Variants in MCTP1 observed in about 807,000 individuals in gnomAD.
MCTP1 encodes the protein multiple C2 and transmembrane domain-containing protein 1.
MCTP1 carries 69 observed loss-of-function variants against 120.6 expected under a neutral mutation model. The observed-to-expected ratio is 0.57, with a 90% confidence interval of 0.47 to 0.70. The LOEUF (loss-of-function observed/expected upper bound fraction) is 0.70. MCTP1 is among the 30% of genes least tolerant of loss of function. MCTP1 has a pLI of 0.00. For synonymous variants in MCTP1, 529 were observed against 493.1 expected (o/e 1.07, Z -0.96); for missense variants, 1,203 against 1,248.8 (o/e 0.96, Z 0.55).
intron 1 of MCTP1, among the ~76,000 whole-genome samples, chr5:95,264,643 C>T (rs1263848204): frequency 6.6e-5 from 10 of 152,180 alleles, no homozygotes; most frequent in Non-Finnish European, 1.5e-4. Flanking sequence ...GGATTGAATG[C>T]CCCTCACTTC....
chr5:95,123,379 T>G (rs1225389172), intron 1 of MCTP1, among the ~76,000 whole-genome samples: 1 of 152,192 alleles, frequency 6.6e-6, no homozygotes, highest in Non-Finnish European at 1.5e-5. Flanking sequence ...GTAAACAAGA[T>G]TTATGAGCTT....
intron 1 of MCTP1, among the ~76,000 whole-genome samples, chr5:95,279,954 A>T (rs1760179407): frequency 6.6e-6 from 1 of 152,292 alleles, no homozygotes; most frequent in South Asian, 2.1e-4. Context: ...TGATTTTGAT[A>T]TTATTAGTTT....
intron 1 of MCTP1, among the ~76,000 whole-genome samples, chr5:95,247,125 G>A (rs1166714549): frequency 6.6e-6 from 1 of 152,074 alleles, no homozygotes; most frequent in Non-Finnish European, 1.5e-5. Context: ...TTGGGAGGGT[G>A]TTATGTGTCC....
chr5:95,133,010 A>G (rs901766688), intron 1 of MCTP1, among the ~76,000 whole-genome samples: 4 of 152,164 alleles, frequency 2.6e-5, no homozygotes, highest in Non-Finnish European at 5.9e-5. Context: ...GATTGTGACC[A>G]AGCTCTTTCA....
At chr5:95,109,685 T>A (rs187496767) in intron 1 of MCTP1, among the ~76,000 whole-genome samples, 1 of 152,304 alleles carries the variant, frequency 6.6e-6, no homozygotes, top group East Asian at 1.9e-4. Flanking sequence ...ATCTATTGAC[T>A]TTCATGAGGG....
At chr5:94,906,673 CA>C (rs2153429680) in intron 10 of MCTP1, among the ~76,000 whole-genome samples, 2 of 151,892 alleles carry the variant, frequency 1.3e-5, no homozygotes, top group South Asian at 4.2e-4. Flanking sequence ...TATATATGAC[CA>C]AAAATGGAAA....
At chr5:95,107,550 G>A (rs1193364181) in intron 1 of MCTP1, among the ~76,000 whole-genome samples, 1 of 152,182 alleles carries the variant, frequency 6.6e-6, no homozygotes, top group Non-Finnish European at 1.5e-5. Context: ...GGAATGCCAA[G>A]GTTAAGAGGT....
intron 1 of MCTP1, among the ~76,000 whole-genome samples, chr5:95,236,014 T>A (rs1755507325): frequency 6.6e-6 from 1 of 152,140 alleles, no homozygotes; most frequent in African/African-American, 2.4e-5. Context: ...TGCCCAAGGA[T>A]CTGTATGTTT....
At chr5:94,869,612 T>A (rs868280590) in intron 16 of MCTP1, among the ~76,000 whole-genome samples, 1 of 152,032 alleles carries the variant, frequency 6.6e-6, no homozygotes, top group South Asian at 2.1e-4. Flanking sequence ...TTATTAAGAG[T>A]AAAAATATAT....
At chr5:95,077,513 C>T (rs1165458041) in intron 1 of MCTP1, among the ~76,000 whole-genome samples, 1 of 151,808 alleles carries the variant, frequency 6.6e-6, no homozygotes, top group Non-Finnish European at 1.5e-5. Context: ...CACTCTGTCG[C>T]CCAGGCTGGA....
At chr5:95,060,999 T>C (rs1330745019) in intron 1 of MCTP1, among the ~76,000 whole-genome samples, 2 of 112,328 alleles carry the variant, frequency 1.8e-5, no homozygotes, top group Non-Finnish European at 3.6e-5. Context: ...TCCTCAAATG[T>C]ACATTTTTTT....
intron 1 of MCTP1, among the ~76,000 whole-genome samples, chr5:95,097,478 G>T (rs569032482): frequency 6.6e-6 from 1 of 152,362 alleles, no homozygotes; most frequent in African/African-American, 2.4e-5. Flanking sequence ...ACAGAAAGAA[G>T]GCCAGTGTGG....
chr5:95,121,437 C>T (rs1758235166), intron 1 of MCTP1, among the ~76,000 whole-genome samples: 1 of 151,506 alleles, frequency 6.6e-6, no homozygotes, highest in Non-Finnish European at 1.5e-5. Context: ...TAGGAATTAA[C>T]TTAAAGAAGT....
At chr5:94,817,781 T>C (rs1784790850) in intron 17 of MCTP1, among the ~76,000 whole-genome samples, 1 of 152,216 alleles carries the variant, frequency 6.6e-6, no homozygotes, top group African/African-American at 2.4e-5. Flanking sequence ...GGTTTACATA[T>C]ATGATTTTGG....
At chr5:94,967,685 G>T (rs1468592666) in intron 2 of MCTP1, among the ~76,000 whole-genome samples, 1 of 152,206 alleles carries the variant, frequency 6.6e-6, no homozygotes, top group Admixed American at 6.5e-5. Context: ...GACAGAGGCT[G>T]CTTGTTAGGA....
intron 10 of MCTP1, among the ~76,000 whole-genome samples, chr5:94,895,251 C>A (rs573614302): frequency 6.6e-6 from 1 of 152,222 alleles, no homozygotes; most frequent in Admixed American, 6.5e-5. Flanking sequence ...TCCCCTCATT[C>A]GTAAATGTTA....
At chr5:94,784,557 T>G (rs905233965) in intron 18 of MCTP1, among the ~76,000 whole-genome samples, 3 of 152,046 alleles carry the variant, frequency 2.0e-5, no homozygotes. Context: ...TATACATAAT[T>G]CACTCCACGT....
chr5:95,253,321 G>C (rs541016555), intron 1 of MCTP1, among the ~76,000 whole-genome samples: 1 of 152,150 alleles, frequency 6.6e-6, no homozygotes, highest in Non-Finnish European at 1.5e-5. Flanking sequence ...TACTCTGTAA[G>C]AACACTGCCA....
At chr5:94,796,149 T>G (rs1779954304) in intron 18 of MCTP1, among the ~76,000 whole-genome samples, 1 of 152,222 alleles carries the variant, frequency 6.6e-6, no homozygotes, top group Non-Finnish European at 1.5e-5. Flanking sequence ...TTCAACTTCG[T>G]ATGTCACGGA....
Sources: allele counts gnomAD v4.1 joint callset (sites outside exome capture counted in the v4.1 genomes callset), GRCh38; gene constraint gnomAD v4.1.1; transcripts MANE v1.5; gene names NCBI Gene and HGNC (gene_info 2026-07-23, HGNC 2026-07-21).